Variants in PAQR3 observed in about 807,000 individuals in gnomAD.
The protein encoded by PAQR3 is progestin and adipoQ receptor family member 3.
Under a neutral mutation model 41.7 loss-of-function variants are expected in PAQR3, and 39 were observed. The observed-to-expected ratio is 0.93, with a 90% CI of 0.72 to 1.22. The LOEUF is 1.22. PAQR3 is among the 50% of genes most tolerant of loss of function. The pLI, the probability that PAQR3 is intolerant of heterozygous loss-of-function variation, is 0.00. For missense variants in PAQR3, 366 were observed against 385.6 expected, an observed-to-expected ratio of 0.95 and a Z score of 0.42; for synonymous variants, 140 against 140.6, an observed-to-expected ratio of 1.00 and a Z score of 0.03.
chr4:78,937,561 C>T (rs962689820), intron 1 of PAQR3, among the ~76,000 whole-genome samples: 3 of 152,182 alleles, frequency 2.0e-5, no homozygotes, highest in East Asian at 1.9e-4. Flanking sequence ...CATTTATTGA[C>T]GGCTTATTAG....
chr4:78,937,169 T>C (rs924206248), intron 1 of PAQR3, among the ~76,000 whole-genome samples: 4 of 152,238 alleles, frequency 2.6e-5, no homozygotes, highest in African/African-American at 9.6e-5. Flanking sequence ...TCTGAGCCCC[T>C]GTCCCATCTC....
rs1390617162 is a variant in PAQR3 at position 78,924,714 on chromosome 4, TG to T, written c.703-768del. ...ATAGTAAGACACCTCTCTCTACAGT[TG>T]TTTTTTTTTTTTTTAATTAGCTGGG... On this transcript the variant is annotated intron_variant, in intron 4 of 5. Transcript: ENST00000512733. Among the ~76,000 whole-genome samples, 401 of 52,904 alleles carry T rather than the reference TG, an allele frequency of 7.6e-3. 1 individual carries two copies. The highest frequency in any genetic ancestry group is 0.013 in the Non-Finnish European group (308 of 23,624). 34.7% of individuals were successfully genotyped at this position (52,904 alleles called of 152,430 possible). A position where few individuals can be genotyped will look rare whatever the true frequency, so the allele number is the denominator to read the frequency against.
At chr4:78,901,483 A>G (rs1264744328) in intron 11 of PAQR3, among the ~76,000 whole-genome samples, 1 of 152,222 alleles carries the variant, frequency 6.6e-6, no homozygotes, top group African/African-American at 2.4e-5. Flanking sequence ...TTTAAAATGT[A>G]GAACCTGTTT....
chr4:78,936,505 C>T (rs955089194), intron 1 of PAQR3, among the ~76,000 whole-genome samples: 4 of 152,106 alleles, frequency 2.6e-5, no homozygotes, highest in South Asian at 2.1e-4. Flanking sequence ...TATACGTCAA[C>T]GCTTACTAGT....
At chr4:78,887,819 C>T (rs181380884) in intron 12 of PAQR3, among the ~76,000 whole-genome samples, 3 of 152,136 alleles carry the variant, frequency 2.0e-5, no homozygotes, top group African/African-American at 7.2e-5. Context: ...GGAATAGGAT[C>T]GTGCATTGGC....
chr4:78,890,364 T>G lies in PAQR3; in HGVS notation c.*837-2216A>C, dbSNP rs537143809. ...AAATGAGATTTTTTTTTGATTTAGA[T>G]ATTTTACAGTTTGTCCGCCTCACAC... is the stretch of plus-strand genomic sequence containing the variant. On this transcript the variant is annotated intron_variant and NMD_transcript_variant, in intron 11 of 12. Coordinates refer to the PAQR3 transcript ENST00000342820. Among the ~76,000 whole-genome samples, 3 of 151,728 alleles carry G rather than the reference T, an allele frequency of 2.0e-5. No homozygotes were observed. The East Asian group carries it at 5.8e-4, about 29-fold the overall frequency.
In PAQR3 at chr4:78,926,554, C is replaced by A; in HGVS notation, c.669G>T (p.Trp223Cys). The A allele has an allele frequency of 6.2e-7, 1 of 1,613,778 alleles. No homozygotes were observed. Among genetic ancestry groups the A allele is most frequent in the Non-Finnish European group, 8.5e-7 (1 of 1,179,838 alleles). The change falls in exon 4 of 6, where the codon TGG (tryptophan) becomes TGT (cysteine). Residue 223 changes from tryptophan to cysteine, a missense_variant. Transcript: ENST00000512733. ...YGVIPTLHWV[W>C]LNGGIGAPIV... ...TAGGAGCACCAATTCCTCCATTGAG[C>A]CAAACCCAGTGAAGAGTAGGAATCA...
intron 2 of PAQR3, 104 bp downstream of exon 2, chr4:78,935,017 G>C (rs1305838952): frequency 4.1e-6 from 4 of 985,266 alleles, no homozygotes; most frequent in Admixed American, 4.6e-5. Flanking sequence ...ATGCCATTCC[G>C]GGGCTCTTTA....
downstream of PAQR3, among the ~76,000 whole-genome samples, chr4:78,909,235 A>T (rs1052434094): frequency 6.6e-6 from 1 of 151,542 alleles, no homozygotes. Context: ...ATGGGGTTTC[A>T]CCATGTTGGC....
rs1735186942 is a variant in PAQR3 at position 78,917,456 on chromosome 4, A to G, written c.*3083T>C. The G allele has an allele frequency of 6.6e-6, 1 of 151,956 alleles. No individual in the cohort carries two copies. The highest frequency in any genetic ancestry group is 2.4e-5 in the African/African-American group (1 of 41,410). The allele number at this position is 151,956 out of a possible 1,614,324, so 9.4% of individuals were successfully genotyped here. ...CTTCCAAAAATGTTTTCTTAAGGGT[A>G]GTTTCAGTTCTGGATCATTATCTCA... On this transcript the variant is annotated 3_prime_UTR_variant, in exon 6 of 6. Coordinates refer to ENST00000512733, the MANE Select transcript of PAQR3 (RefSeq NM_001040202.2).
At chr4:78,892,332 T>C (rs1733482695) in intron 11 of PAQR3, among the ~76,000 whole-genome samples, 1 of 152,200 alleles carries the variant, frequency 6.6e-6, no homozygotes, top group Admixed American at 6.5e-5. Flanking sequence ...TTAAAGAAAT[T>C]TGTACATTTC....
intron 11 of PAQR3, among the ~76,000 whole-genome samples, chr4:78,898,366 GTGTATTGTTTAT>G (rs1733817557): frequency 6.6e-6 from 1 of 151,884 alleles, no homozygotes; most frequent in Admixed American, 6.6e-5. Flanking sequence ...CTACAATAAG[GTGTATTGTTTAT>G]TTTAGATTCT....
chr4:78,906,886 T>C (rs993012043), downstream of PAQR3, among the ~76,000 whole-genome samples: 1 of 152,156 alleles, frequency 6.6e-6, no homozygotes, highest in Non-Finnish European at 1.5e-5. Context: ...ATTTTGTGTA[T>C]AAAGAAAGTG....
Position 78,919,772 on chromosome 4 carries a change from AAAT to A in PAQR3, c.*764_*766del, listed in dbSNP as rs1735475878. On this transcript the variant is annotated 3_prime_UTR_variant, in exon 6 of 6. Transcript: ENST00000512733. ...AAGAATTCAGTTATTATATGGAATT[AAAT>A]AATATCTGGAATTAAAATGTTTAGG... The A allele has an allele frequency of 2.1e-5, 21 of 984,228 alleles. No individual in the cohort carries two copies. The highest frequency in any genetic ancestry group is 2.5e-5 in the Non-Finnish European group (21 of 828,996). The allele number at this position is 984,228 out of a possible 1,614,324, so 61.0% of individuals were successfully genotyped here.
intron 4 of PAQR3, 67 bp from the exon 5 acceptor site, chr4:78,924,014 T>A (rs563553458): frequency 2.6e-6 from 3 of 1,150,456 alleles, no homozygotes; most frequent in African/African-American, 3.1e-5. Context: ...TTATTATGAA[T>A]CTAATAGTGG....
At chr4:78,888,058 TA>T (rs1733199163) in intron 12 of PAQR3, 1 of 152,214 alleles carries the variant, frequency 6.6e-6, no homozygotes, top group Admixed American at 6.5e-5. Flanking sequence ...AAGAAAAACT[TA>T]CAAATGTAAA....
At chr4:78,935,434 A>T in intron 1 of PAQR3, 151 bp from the exon 2 acceptor site, 1 of 569,556 alleles carries the variant, frequency 1.8e-6, no homozygotes, top group Non-Finnish European at 2.8e-6. Context: ...ATATTATCTA[A>T]TTAAATTATT....
Position 78,919,444 on chromosome 4 carries a change from A to G in PAQR3, c.*1095T>C. The G allele has an allele frequency of 7.1e-6, 7 of 984,722 alleles. No individual in the cohort carries two copies. Among genetic ancestry groups the G allele is most frequent in the Non-Finnish European group, 8.4e-6 (7 of 829,376 alleles). The allele number at this position is 984,722 out of a possible 1,614,324, so 61.0% of individuals were successfully genotyped here. A position where few individuals can be genotyped will look rare whatever the true frequency, so the allele number is the denominator to read the frequency against. On this transcript the variant is annotated 3_prime_UTR_variant, in exon 6 of 6. Coordinates refer to ENST00000512733, the MANE Select transcript of PAQR3 (RefSeq NM_001040202.2). ...GTATATACAATAAAAAGAAAGTTTAATGCTTCAGGCCCAAATATTAAGTGT... is the reference window on the plus strand; with the variant it reads ...GTATATACAATAAAAAGAAAGTTTAGTGCTTCAGGCCCAAATATTAAGTGT...
chr4:78,918,070 AT>A lies in PAQR3; in HGVS notation c.*2468del, dbSNP rs1735263882. ...GAAAATGGCTTAATATAGAAAGATA[AT>A]TGTTTCTTAAATGAGTTAACCACAA... On this transcript the variant is annotated 3_prime_UTR_variant, in exon 6 of 6. Coordinates refer to ENST00000512733, the MANE Select transcript of PAQR3 (RefSeq NM_001040202.2). 1.0e-6 allele frequency: 1 copy of A among 977,974 alleles called. No individual in the cohort carries two copies. Among genetic ancestry groups the A allele is most frequent in the African/African-American group, 1.8e-5 (1 of 57,118 alleles). 60.6% of individuals were successfully genotyped at this position (977,974 alleles called of 1,614,324 possible).
Sources: allele counts gnomAD v4.1 joint callset (sites outside exome capture counted in the v4.1 genomes callset), GRCh38; gene constraint gnomAD v4.1.1; transcripts MANE v1.5; gene names NCBI Gene and HGNC (gene_info 2026-07-23, HGNC 2026-07-21).